The following UTRN variants were observed in gnomAD, a reference collection of about 807,000 sequenced individuals.
UTRN encodes utrophin, also known as dystrophin-related protein 1.
In UTRN, 283 loss-of-function variants were observed where a neutral mutation model predicts 463.9. The observed-to-expected ratio is 0.61, with a 90% CI of 0.55 to 0.67. The LOEUF is 0.67. UTRN is among the 30% of genes least tolerant of loss of function. The pLI is 0.00. For missense variants in UTRN, 3,922 were observed against 4,084.3 expected (o/e 0.96, Z 1.08); for synonymous variants, 1,442 against 1,431.5 (o/e 1.01, Z -0.17).
chr6:144,841,053 A>C (rs565319690), intron 73 of UTRN, among the ~76,000 whole-genome samples: 2 of 152,352 alleles, frequency 1.3e-5, no homozygotes, highest in South Asian at 2.1e-4. Flanking sequence ...CTGCTCTTTG[A>C]GATTTTTCAA....
chr6:144,732,277 T>TACATATATATATATATAC (rs1562833069), intron 54 of UTRN, among the ~76,000 whole-genome samples: 1 of 88,744 alleles, frequency 1.1e-5, no homozygotes, highest in African/African-American at 5.0e-5. Flanking sequence ...TATATATATA[T>TACATATATATATATATAC]ACACACATAT....
chr6:144,386,401 G>A (rs2114751897), intron 2 of UTRN, among the ~76,000 whole-genome samples: 1 of 152,306 alleles, frequency 6.6e-6, no homozygotes, highest in East Asian at 1.9e-4. Flanking sequence ...GAAGGCTGCA[G>A]TGAGCCGTGA....
At chr6:144,526,874 G>A (rs972645933) in intron 41 of UTRN, among the ~76,000 whole-genome samples, 9 of 151,402 alleles carry the variant, frequency 5.9e-5, no homozygotes, top group African/African-American at 1.7e-4. Context: ...TCGGCTTACT[G>A]CAACCTCTGC....
At chr6:144,721,330 T>C (rs1298867463) in intron 53 of UTRN, among the ~76,000 whole-genome samples, 1 of 152,176 alleles carries the variant, frequency 6.6e-6, no homozygotes, top group African/African-American at 2.4e-5. Flanking sequence ...TGCCTCAGCC[T>C]CCTGAGCAGC....
At chr6:144,542,655 T>C in intron 45 of UTRN, 140 bp from the exon 46 acceptor site, 1 of 751,096 alleles carries the variant, frequency 1.3e-6, no homozygotes, top group Non-Finnish European at 2.1e-6. Context: ...CAATGGAGAG[T>C]GAAGGTAGAG....
intron 27 of UTRN, among the ~76,000 whole-genome samples, chr6:144,484,472 C>T (rs1355464121): frequency 1.5e-5 from 1 of 68,026 alleles, no homozygotes; most frequent in Non-Finnish European, 2.5e-5. Context: ...GATGGAGTTT[C>T]ACTCTTGTTA....
intron 2 of UTRN, among the ~76,000 whole-genome samples, chr6:144,378,747 GTT>G (rs1159224049): frequency 2.0e-5 from 3 of 152,168 alleles, no homozygotes; most frequent in African/African-American, 7.2e-5. Context: ...TTGTTCCAAA[GTT>G]CAGAGAGTTG....
intron 51 of UTRN, among the ~76,000 whole-genome samples, chr6:144,634,089 C>G (rs958677487): frequency 2.6e-5 from 4 of 152,208 alleles, no homozygotes; most frequent in Non-Finnish European, 4.4e-5. Context: ...TATAAGATCA[C>G]GCATAGTGTC....
intron 65 of UTRN, among the ~76,000 whole-genome samples, chr6:144,814,869 G>A (rs561767881): frequency 7.0e-4 from 107 of 152,286 alleles, no homozygotes; most frequent in African/African-American, 2.6e-3. Context: ...AAAGGAGATA[G>A]AGGTGTATTA....
At chr6:144,394,542 A>G (rs373264837) in intron 2 of UTRN, among the ~76,000 whole-genome samples, 1 of 152,170 alleles carries the variant, frequency 6.6e-6, no homozygotes, top group Non-Finnish European at 1.5e-5. Context: ...CCATATCAAT[A>G]TGTATTCTCT....
Position 144,510,966 on chromosome 6 carries a change from A to G in UTRN, c.4787A>G (p.Lys1596Arg), listed in dbSNP as rs773581355. ...WAKNVLKDLEKRKADLNTITE... is the reference protein window; with the variant it reads ...WAKNVLKDLERRKADLNTITE... ...TAGAATGTTCTGAAGGATCTGGAAAAGAGAAAAGCTGATTTAAATACCATC... is the reference window on the plus strand; with the variant it reads ...TAGAATGTTCTGAAGGATCTGGAAAGGAGAAAAGCTGATTTAAATACCATC... The change falls in exon 35 of 75, where the codon AAG becomes AGG. Residue 1596 changes from lysine (K) to arginine (R), a missense_variant. By Grantham distance (26) the Lys-to-Arg change is conservative. This residue lies in a region of UTRN where 2,349 missense variants were observed against 2,303.8 expected (regional missense o/e 1.02). Coordinates refer to ENST00000367545, the MANE Select transcript of UTRN (RefSeq NM_007124.3). The G allele has an allele frequency of 6.2e-7, 1 of 1,601,350 alleles. No individual in the cohort carries two copies. Among genetic ancestry groups the G allele is most frequent in the South Asian group, 1.1e-5 (1 of 89,524 alleles).
intron 68 of UTRN, among the ~76,000 whole-genome samples, chr6:144,828,099 T>G (rs1488123563): frequency 6.6e-6 from 1 of 152,138 alleles, no homozygotes; most frequent in Admixed American, 6.6e-5. Context: ...AGGCTGGTCT[T>G]GATGGTGTGC....
chr6:144,691,387 G>A (rs1783398996), intron 52 of UTRN, among the ~76,000 whole-genome samples: 1 of 152,206 alleles, frequency 6.6e-6, no homozygotes, highest in South Asian at 2.1e-4. Context: ...AAAGTGCTAG[G>A]GTTACAGGCG....
intron 52 of UTRN, among the ~76,000 whole-genome samples, chr6:144,697,713 A>G (rs1268633378): frequency 6.6e-6 from 1 of 152,210 alleles, no homozygotes; most frequent in Non-Finnish European, 1.5e-5. Flanking sequence ...CCACTTCAGC[A>G]TTTCTTTTAA....
At chr6:144,348,076 A>C (rs1777763321) in intron 2 of UTRN, among the ~76,000 whole-genome samples, 1 of 151,782 alleles carries the variant, frequency 6.6e-6, no homozygotes, top group South Asian at 2.1e-4. Context: ...TGAACTCCTG[A>C]GCTCGAGTGA....
rs200639749 is a variant in UTRN at position 144,474,691 on chromosome 6, G to A, written c.3268G>A (p.Gly1090Arg). The A allele has an allele frequency of 1.2e-6, 2 of 1,614,066 alleles. No homozygotes were observed. The highest frequency in any genetic ancestry group is 3.3e-5 in the Admixed American group (2 of 60,004). ...TAATCTTCGAAGTGGTCCAGTTGCT[G>A]GAATAAAAACTTGGGTGCAGACAAG... ...ETNLRSGPVA[G>R]IKTWVQTRLG... Residue 1090 changes from glycine to arginine, a missense_variant, in exon 25 of 75, where the codon GGA (glycine) becomes AGA (arginine). Physicochemically the swap from Gly to Arg is moderately radical, Grantham distance 125. This residue lies in a region of UTRN where 2,349 missense variants were observed against 2,303.8 expected (regional missense o/e 1.02). Coordinates refer to ENST00000367545, the MANE Select transcript of UTRN (RefSeq NM_007124.3).
intron 51 of UTRN, among the ~76,000 whole-genome samples, chr6:144,648,053 A>G (rs1176681888): frequency 6.6e-6 from 1 of 152,232 alleles, no homozygotes; most frequent in Non-Finnish European, 1.5e-5. Context: ...AGTTTGGAAT[A>G]TTGTTGAAAT....
At chr6:144,657,142 C>T (rs562261582) in intron 51 of UTRN, among the ~76,000 whole-genome samples, 2 of 149,962 alleles carry the variant, frequency 1.3e-5, no homozygotes, top group East Asian at 2.0e-4. Context: ...CCCAGCTACT[C>T]GGGAGGCTGA....
Position 144,458,901 on chromosome 6 carries a change from C to A in UTRN, c.2416C>A (p.Gln806Lys). Residue 806 changes from glutamine (Q) to lysine (K), a missense_variant, in exon 20 of 75, where the codon CAG becomes AAG. Physicochemically the swap from Gln to Lys is moderately conservative, Grantham distance 53. Coordinates refer to ENST00000367545, the MANE Select transcript of UTRN (RefSeq NM_007124.3). The part of the protein sequence containing the change: ...LQEDINAYFK[Q>K]LDELEKVIKT... ...GGAAGATATAAATGCTTATTTCAAG[C>A]AGCTTGATGAGCTTGAAAAGGTCAT... 6.2e-7 allele frequency: 1 copy of A among 1,613,758 alleles called. No homozygotes were observed. The highest frequency in any genetic ancestry group is 8.5e-7 in the Non-Finnish European group (1 of 1,179,928).
Sources: gnomAD v4.1 joint callset for allele counts (sites outside exome capture counted in the v4.1 genomes callset) on GRCh38, gnomAD v4.1.1 for gene constraint, gnomAD v4.1.1 regional missense constraint, MANE v1.5 for transcripts, NCBI Gene and HGNC (gene_info 2026-07-23, HGNC 2026-07-21) for gene names.